Variants in WDR20 observed in about 807,000 individuals in gnomAD.
The protein encoded by WDR20 is WD repeat-containing protein 20.
In WDR20, 3 loss-of-function variants were observed where a neutral mutation model predicts 38.7. The ratio of observed to expected loss-of-function variants is 0.08; its 90% CI spans 0.04 to 0.20. The LOEUF is 0.20. WDR20 is among the 10% of genes least tolerant of loss of function. The pLI is 1.00. For missense variants in WDR20, 559 were observed against 727.7 expected, an observed-to-expected ratio of 0.77 and a Z score of 2.67; for synonymous variants, 298 against 285.6, an observed-to-expected ratio of 1.04 and a Z score of -0.44.
intron 1 of WDR20, among the ~76,000 whole-genome samples, chr14:102,178,315 C>G (rs980091170): frequency 1.3e-5 from 2 of 151,992 alleles, no homozygotes; most frequent in African/African-American, 4.8e-5. Context: ...TTGCTTGAAC[C>G]CCAGAGGCAG....
In WDR20 at chr14:102,194,973, A is replaced by G. The variant is rs1326518914; in HGVS notation, c.285A>G (p.Ile95Met). ...ADLSKPIDKR[I>M]YKGTQPTCHD... ...TGAGTAAACCAATAGATAAAAGGAT[A>G]TACAAAGGAACACAGCCTACTTGTC... The change falls in exon 2 of 3, where the codon ATA (isoleucine) becomes ATG (methionine). Residue 95 changes from isoleucine (I) to methionine (M), a missense_variant. Physicochemically the swap from Ile to Met is conservative, Grantham distance 10 (BLOSUM62 1). Transcript: ENST00000342702. 1 of 1,614,240 alleles carries G rather than the reference A, an allele frequency of 6.2e-7. No homozygotes were observed. The highest frequency in any genetic ancestry group is 8.5e-7 in the Non-Finnish European group (1 of 1,180,040).
At chr14:102,160,154 C>G (rs2058321311) in intron 1 of WDR20, among the ~76,000 whole-genome samples, 1 of 151,934 alleles carries the variant, frequency 6.6e-6, no homozygotes, top group South Asian at 2.1e-4. Flanking sequence ...TTCTTGCTAT[C>G]TGTTTTAAGT....
intron 1 of WDR20, among the ~76,000 whole-genome samples, chr14:102,177,951 T>G (rs1293385517): frequency 6.6e-6 from 1 of 152,248 alleles, no homozygotes; most frequent in Non-Finnish European, 1.5e-5. Flanking sequence ...ACTTGAGAAT[T>G]TCTGTTAGTC....
intron 2 of WDR20, among the ~76,000 whole-genome samples, chr14:102,200,854 A>G (rs1472994253): frequency 2.0e-5 from 3 of 152,176 alleles, no homozygotes; most frequent in Non-Finnish European, 2.9e-5. Context: ...ATCCAGTCTT[A>G]CTGAAGGGCA....
intron 1 of WDR20, among the ~76,000 whole-genome samples, chr14:102,165,357 A>T (rs1014847284): frequency 5.9e-5 from 9 of 152,060 alleles, no homozygotes; most frequent in Admixed American, 2.0e-4. Flanking sequence ...GTCAATTAAA[A>T]TTTTTTTCAA....
intron 2 of WDR20, among the ~76,000 whole-genome samples, chr14:102,196,555 C>G (rs971250164): frequency 1.3e-5 from 2 of 151,968 alleles, no homozygotes; most frequent in African/African-American, 4.8e-5. Flanking sequence ...GGGATTGGAG[C>G]CATGTAAGGG....
chr14:102,147,800 G>C (rs2054202420), intron 1 of WDR20, among the ~76,000 whole-genome samples: 1 of 152,178 alleles, frequency 6.6e-6, no homozygotes, highest in African/African-American at 2.4e-5. Flanking sequence ...GCATGATCTT[G>C]GTTCACTGCA....
chr14:102,166,916 G>A (rs1004929758), intron 1 of WDR20, among the ~76,000 whole-genome samples: 1 of 152,138 alleles, frequency 6.6e-6, no homozygotes, highest in African/African-American at 2.4e-5. Context: ...GCACTGTACA[G>A]CCTCTGACTG....
intron 1 of WDR20, among the ~76,000 whole-genome samples, chr14:102,192,422 A>G (rs1053107969): frequency 6.6e-6 from 1 of 151,882 alleles, no homozygotes; most frequent in Admixed American, 6.6e-5. Flanking sequence ...CAGGTGATCC[A>G]CCCGCCTCAG....
rs2064088788 is a variant in WDR20 at position 102,222,949 on chromosome 14, C to T, written c.*66C>T. On this transcript the variant is annotated 3_prime_UTR_variant, in exon 4 of 4. Coordinates refer to the WDR20 transcript ENST00000335263. This position sits in a 1 kb window ranked among gnomAD's most constrained non-coding sequence, Gnocchi z 4.4. ...TCGAGGGAGTGACGAGGAGGAGCTC[C>T]GAGCTGCGCCTGAGCCGTGCCAGCC... 1.3e-5 allele frequency: 20 copies of T among 1,594,992 alleles called. 1 individual carries two copies. The highest frequency in any genetic ancestry group is 6.7e-5 in the African/African-American group (5 of 74,480).
rs374265907 is a variant in WDR20, at chr14:102,143,794, C to T, written c.249+3622C>T. On this transcript the variant is annotated intron_variant, in intron 1 of 2. Coordinates refer to ENST00000342702, the MANE Select transcript of WDR20 (RefSeq NM_144574.4). ...TCCTGACCTCGTGATCCACCCTCCT[C>T]GGCCTTCCAAAGTGCTGGGATTACA... is the stretch of plus-strand genomic sequence containing the variant. Among the ~76,000 whole-genome samples, 47 of 152,012 alleles carry T rather than the reference C, an allele frequency of 3.1e-4. No homozygotes were observed. The East Asian group carries it at 6.7e-3, about 22-fold the overall frequency.
Position 102,209,674 on chromosome 14 carries a change from A to G in WDR20, c.1504A>G (p.Lys502Glu), listed in dbSNP as rs2062176639. Residue 502 changes from lysine to glutamate, a missense_variant, in exon 3 of 3, where the codon AAA (lysine) becomes GAA (glutamate). Transcript: ENST00000342702. The surrounding 1 kb of genome is among the most constrained non-coding windows in gnomAD (Gnocchi z 6.0). The stretch of plus-strand genomic sequence containing the variant: ...CAAACTGAATCTAGTTACCAAAACC[A>G]AAACGGACCCTGCTAAAACTCTGGG... ...SDKLNLVTKT[K>E]TDPAKTLGTP... 6.2e-7 allele frequency: 1 copy of G among 1,614,166 alleles called. No individual in the cohort carries two copies. Among genetic ancestry groups the G allele is most frequent in the Non-Finnish European group, 8.5e-7 (1 of 1,180,032 alleles).
At chr14:102,212,709 G>A (rs1185290373), downstream of WDR20, 23 of 1,484,394 alleles carry the variant, frequency 1.5e-5, no homozygotes, top group Non-Finnish European at 2.1e-5. Flanking sequence ...TGGCCGCGGT[G>A]GTTCCTGATA....
At chr14:102,204,904 T>C (rs1033170606) in intron 2 of WDR20, among the ~76,000 whole-genome samples, 8 of 152,092 alleles carry the variant, frequency 5.3e-5, no homozygotes, top group African/African-American at 1.9e-4. Flanking sequence ...TCTGCAGCTT[T>C]AGAAAAGAAT....
chr14:102,223,580 A>G lies in WDR20; in HGVS notation c.*697A>G, dbSNP rs570993547. On this transcript the variant is annotated 3_prime_UTR_variant, in exon 4 of 4. Transcript: ENST00000335263. ...TATGTATAAATATTGTAATTCTGCA[A>G]TTGGGGAAAATAGTTACTTCACTAG... 23 of 152,650 alleles carry G rather than the reference A, an allele frequency of 1.5e-4. 1 individual carries two copies. Among genetic ancestry groups the G allele is most frequent in the South Asian group, 4.2e-4 (2 of 4,806 alleles). The allele number at this position is 152,650 out of a possible 1,614,324, so 9.5% of individuals were successfully genotyped here. A position where few individuals can be genotyped will look rare whatever the true frequency, so the allele number is the denominator to read the frequency against.
At chr14:102,186,922 C>CCTGG (rs1356849206) in intron 1 of WDR20, among the ~76,000 whole-genome samples, 1 of 151,378 alleles carries the variant, frequency 6.6e-6, no homozygotes, top group Non-Finnish European at 1.5e-5. Context: ...TGCACTCCAG[C>CCTGG]CTGGGGGACA....
intron 1 of WDR20, among the ~76,000 whole-genome samples, chr14:102,187,154 T>C (rs2065018724): frequency 6.6e-6 from 1 of 152,162 alleles, no homozygotes; most frequent in Admixed American, 6.5e-5. Context: ...GGAATGATAA[T>C]AGCACTACAG....
chr14:102,201,013 G>A (rs552066553), intron 2 of WDR20, among the ~76,000 whole-genome samples: 59 of 152,330 alleles, frequency 3.9e-4, no homozygotes, highest in Middle Eastern at 3.4e-3. Flanking sequence ...CAAAGGAATG[G>A]TCTGCACATT....
chr14:102,155,901 G>C (rs1487019985), intron 1 of WDR20, among the ~76,000 whole-genome samples: 4 of 150,900 alleles, frequency 2.7e-5, no homozygotes, highest in Non-Finnish European at 5.9e-5. Flanking sequence ...GACTTTCTCA[G>C]GTAGATGGGT....
Sources: allele counts gnomAD v4.1 joint callset (sites outside exome capture counted in the v4.1 genomes callset), GRCh38; gene constraint gnomAD v4.1.1; non-coding constraint Gnocchi (gnomAD v3.1); transcripts MANE v1.5; gene names NCBI Gene and HGNC (gene_info 2026-07-23, HGNC 2026-07-21).